ASTN2: variants seen among roughly 807,000 people sequenced by gnomAD.
ASTN2 encodes the protein astrotactin 2, also known as astrotactin-2.
ASTN2 carries 54 observed loss-of-function variants against 139.8 expected under a neutral mutation model. The ratio of observed to expected loss-of-function variants is 0.39; its 90% CI spans 0.31 to 0.48. ASTN2 has a LOEUF of 0.48. ASTN2 is among the 20% of genes least tolerant of loss of function. The pLI is 0.95. For missense variants in ASTN2, 1,565 were observed against 1,725.1 expected, an observed-to-expected ratio of 0.91 and a Z score of 1.64; for synonymous variants, 756 against 719.5, an observed-to-expected ratio of 1.05 and a Z score of -0.81.
chr9:117,040,462 T>C (rs1049652926), intron 5 of ASTN2, among the ~76,000 whole-genome samples: 1 of 152,194 alleles, frequency 6.6e-6, no homozygotes, highest in Non-Finnish European at 1.5e-5. Context: ...CTTTCTTTCT[T>C]TTTCTTTTTT....
In ASTN2 at chr9:117,091,714, G is replaced by A. The variant is rs550242349; in HGVS notation, c.1276+4330C>T. ...GGAGTGGGGAGGGAAGGAGCGGACAGAGCCCTGGGGAGAGAGTCAGGGCAA... is the reference window on the plus strand; with the variant it reads ...GGAGTGGGGAGGGAAGGAGCGGACAAAGCCCTGGGGAGAGAGTCAGGGCAA... On this transcript the variant is annotated intron_variant, in intron 5 of 22. Coordinates refer to ENST00000313400, the MANE Select transcript of ASTN2 (RefSeq NM_001365068.1). Among the ~76,000 whole-genome samples the A allele has an allele frequency of 3.3e-4, 50 of 152,220 alleles. No homozygotes were observed. The East Asian group carries it at 8.3e-3, about 25-fold the overall frequency.
chr9:116,633,019 T>A (rs1156400987), intron 17 of ASTN2, among the ~76,000 whole-genome samples: 1 of 152,184 alleles, frequency 6.6e-6, no homozygotes, highest in Admixed American at 6.5e-5. Context: ...TGGGAGCTGT[T>A]TGGGTGTGTG....
intron 19 of ASTN2, among the ~76,000 whole-genome samples, chr9:116,542,363 T>C (rs1210761734): frequency 6.6e-6 from 1 of 152,200 alleles, no homozygotes; most frequent in African/African-American, 2.4e-5. Flanking sequence ...AGATCCATCA[T>C]TTACAAGGGT....
chr9:116,966,131 T>C (rs1836005035), intron 10 of ASTN2, among the ~76,000 whole-genome samples: 1 of 152,222 alleles, frequency 6.6e-6, no homozygotes, highest in African/African-American at 2.4e-5. Context: ...TGTAGACGTG[T>C]CTCAACATCA....
chr9:117,207,290 C>T lies in ASTN2; in HGVS notation c.1015+7068G>A, dbSNP rs371575420. 2.7e-4 allele frequency among the ~76,000 whole-genome samples: 41 copies of T among 152,248 alleles called. No individual in the cohort carries two copies. The East Asian group carries it at 2.7e-3, about 10-fold the overall frequency. ...TCCTGTGGGCCACCACCCACAGAAA[C>T]GCCCCAAACCAGCCAAGCAACTGTG... is the stretch of plus-strand genomic sequence containing the variant. On this transcript the variant is annotated intron_variant, in intron 3 of 22. Coordinates refer to ENST00000313400, the MANE Select transcript of ASTN2 (RefSeq NM_001365068.1).
At chr9:116,578,857 G>A (rs1853836926) in intron 19 of ASTN2, 1 of 152,060 alleles carries the variant, frequency 6.6e-6, no homozygotes, top group East Asian at 1.9e-4. Flanking sequence ...AGAAGGCTCT[G>A]AGCAGCAGAA....
At chr9:117,375,096 A>C (rs961356661) in intron 1 of ASTN2, among the ~76,000 whole-genome samples, 3 of 152,222 alleles carry the variant, frequency 2.0e-5, no homozygotes, top group African/African-American at 7.2e-5. Context: ...GTTCAGTTTC[A>C]ACAAGAAACA....
intron 13 of ASTN2, among the ~76,000 whole-genome samples, chr9:116,773,932 T>A (rs1830016585): frequency 1.3e-5 from 2 of 152,206 alleles, no homozygotes. Context: ...TACCTATCTT[T>A]CATAGTTTAA....
At position 117,159,051 on chromosome 9, in the gene ASTN2, C is replaced by T. The variant is rs144956157; in HGVS notation, c.1016-17573G>A. ...AATTGTCTCCACTGGTGTATGCAAA[C>T]GAACCATTTATGGGAAATGCCGTGG... On this transcript the variant is annotated intron_variant, in intron 3 of 22. Coordinates refer to ENST00000313400, the MANE Select transcript of ASTN2 (RefSeq NM_001365068.1). Among the ~76,000 whole-genome samples, 493 of 152,018 alleles carry T rather than the reference C, an allele frequency of 3.2e-3. 5 individuals are homozygous for T. Among genetic ancestry groups the T allele is most frequent in the East Asian group, 6.8e-3 (35 of 5,134 alleles).
intron 19 of ASTN2, among the ~76,000 whole-genome samples, chr9:116,507,672 C>G (rs1040838231): frequency 6.6e-6 from 1 of 152,126 alleles, no homozygotes; most frequent in Non-Finnish European, 1.5e-5. Flanking sequence ...TCACTCCTCT[C>G]TTATTGTTCT....
At chr9:116,773,359 A>T (rs901702266) in intron 13 of ASTN2, among the ~76,000 whole-genome samples, 4 of 152,164 alleles carry the variant, frequency 2.6e-5, no homozygotes, top group African/African-American at 9.7e-5. Context: ...CTCTTTTCAT[A>T]AAGTTTATAT....
chr9:117,390,492 G>A (rs1830513303), intron 1 of ASTN2, among the ~76,000 whole-genome samples: 2 of 152,122 alleles, frequency 1.3e-5, no homozygotes, highest in Admixed American at 1.3e-4. Flanking sequence ...TCTGTGCTCT[G>A]ACCCTGCTCA....
At chr9:116,557,879 G>A (rs1392931670) in intron 19 of ASTN2, among the ~76,000 whole-genome samples, 1 of 152,152 alleles carries the variant, frequency 6.6e-6, no homozygotes, top group Non-Finnish European at 1.5e-5. Flanking sequence ...GGTTCTTGGG[G>A]TTTTCAACAG....
intron 4 of ASTN2, among the ~76,000 whole-genome samples, chr9:117,131,325 G>A (rs1378777081): frequency 2.6e-5 from 4 of 152,116 alleles, no homozygotes; most frequent in Non-Finnish European, 4.4e-5. Flanking sequence ...TATTAAAATA[G>A]AGATCAAAAG....
At chr9:116,741,074 C>A (rs1341140393) in intron 13 of ASTN2, among the ~76,000 whole-genome samples, 2 of 152,114 alleles carry the variant, frequency 1.3e-5, no homozygotes, top group Admixed American at 1.3e-4. Context: ...GCCATGCTGA[C>A]AGCAAAGACA....
At chr9:116,803,384 T>C (rs761779731) in intron 13 of ASTN2, among the ~76,000 whole-genome samples, 1 of 147,938 alleles carries the variant, frequency 6.8e-6, no homozygotes, top group African/African-American at 2.5e-5. Context: ...GGCATGATCA[T>C]AGCTCACTGT....
chr9:116,555,638 G>A (rs1027480586), intron 19 of ASTN2, among the ~76,000 whole-genome samples: 8 of 152,126 alleles, frequency 5.3e-5, no homozygotes, highest in African/African-American at 1.9e-4. Flanking sequence ...TGACAGAAAG[G>A]AGGATATCCC....
intron 1 of ASTN2, among the ~76,000 whole-genome samples, chr9:117,317,799 C>T (rs766602145): frequency 5.3e-5 from 8 of 152,144 alleles, no homozygotes; most frequent in Non-Finnish European, 1.2e-4. Context: ...GAGAGCCCAG[C>T]CCTCTACACA....
At chr9:116,539,767 C>T (rs1851803228) in intron 19 of ASTN2, among the ~76,000 whole-genome samples, 1 of 152,122 alleles carries the variant, frequency 6.6e-6, no homozygotes, top group Admixed American at 6.5e-5. Flanking sequence ...CTCAGAATGG[C>T]GTGGATTTAC....
Sources: allele counts gnomAD v4.1 joint callset (sites outside exome capture counted in the v4.1 genomes callset), GRCh38; gene constraint gnomAD v4.1.1; transcripts MANE v1.5; gene names NCBI Gene and HGNC (gene_info 2026-07-23, HGNC 2026-07-21).